Variants in COP1 observed in about 807,000 individuals in gnomAD.
The protein encoded by COP1 is COP1 E3 ubiquitin ligase.
A neutral mutation model predicts 101.3 loss-of-function variants in COP1; 24 were observed. That is an observed-to-expected ratio of 0.24 (90% confidence interval 0.17 to 0.33). The LOEUF (loss-of-function observed/expected upper bound fraction) is 0.33, where lower values mean the gene tolerates loss of function less well. COP1 is among the 10% of genes least tolerant of loss of function. The pLI is 1.00. For missense variants in COP1, 663 were observed against 906.2 expected (o/e 0.73, Z 3.45); for synonymous variants, 347 against 341.9 (o/e 1.01, Z -0.17).
chr1:176,021,704 C>CT (rs1289173968), intron 15 of COP1, among the ~76,000 whole-genome samples: 1 of 152,128 alleles, frequency 6.6e-6, no homozygotes, highest in Non-Finnish European at 1.5e-5. Flanking sequence ...AGCTGGGACC[C>CT]TTTAACACTA....
intron 9 of COP1, among the ~76,000 whole-genome samples, chr1:176,096,090 G>A (rs571131813): frequency 1.5e-4 from 23 of 152,100 alleles, no homozygotes; most frequent in African/African-American, 5.3e-4. Flanking sequence ...CCTTCTAGGT[G>A]TCCACAAGCC....
chr1:176,196,738 G>A (rs934513846), intron 1 of COP1, among the ~76,000 whole-genome samples: 8 of 151,984 alleles, frequency 5.3e-5, no homozygotes, highest in African/African-American at 1.2e-4. Flanking sequence ...ATTCCATATC[G>A]TCTTTTAGAA....
intron 6 of COP1, among the ~76,000 whole-genome samples, chr1:176,147,642 C>A (rs890588289): frequency 6.6e-6 from 1 of 151,906 alleles, no homozygotes; most frequent in Admixed American, 6.6e-5. Context: ...CAAAATCAAG[C>A]GAAAAAGTTC....
At chr1:176,112,572 ACTCTT>A (rs1474039033) in intron 9 of COP1, among the ~76,000 whole-genome samples, 11 of 152,130 alleles carry the variant, frequency 7.2e-5, no homozygotes, top group East Asian at 1.9e-4. Flanking sequence ...AAACACTGCA[ACTCTT>A]CTCTTCTAGC....
chr1:176,140,253 C>T (rs1198393397), intron 6 of COP1, among the ~76,000 whole-genome samples: 1 of 152,056 alleles, frequency 6.6e-6, no homozygotes, highest in Non-Finnish European at 1.5e-5. Flanking sequence ...AATAATAAAA[C>T]AATTTTTACT....
chr1:176,197,742 AC>A (rs1699846881), intron 1 of COP1, among the ~76,000 whole-genome samples: 1 of 152,250 alleles, frequency 6.6e-6, no homozygotes, highest in Non-Finnish European at 1.5e-5. Context: ...ATATTCATAT[AC>A]AGATAACATG....
intron 9 of COP1, among the ~76,000 whole-genome samples, chr1:176,096,562 GA>G (rs1471299791): frequency 6.6e-6 from 1 of 152,222 alleles, no homozygotes; most frequent in African/African-American, 2.4e-5. Flanking sequence ...GAGCCAGGGG[GA>G]AAGGAACCCA....
intron 18 of COP1, among the ~76,000 whole-genome samples, chr1:175,956,223 T>G (rs1650629763): frequency 6.6e-6 from 1 of 150,618 alleles, no homozygotes; most frequent in Admixed American, 6.6e-5. Flanking sequence ...TCAAAACAAC[T>G]TGGCAAGTTA....
chr1:176,176,190 T>A (rs866675531), intron 2 of COP1, among the ~76,000 whole-genome samples, 183 bp from the exon 3 acceptor site: 78 of 152,276 alleles, frequency 5.1e-4, no homozygotes, highest in Middle Eastern at 3.4e-3. Context: ...GGGTAAACAC[T>A]ACACAAAAGT....
chr1:176,121,951 T>C (rs1022479163), intron 8 of COP1, among the ~76,000 whole-genome samples: 1 of 151,862 alleles, frequency 6.6e-6, no homozygotes, highest in African/African-American at 2.4e-5. Flanking sequence ...CCATCCTGGC[T>C]AACACAGTGA....
At chr1:176,153,522 T>C (rs930363699) in intron 5 of COP1, among the ~76,000 whole-genome samples, 7 of 152,194 alleles carry the variant, frequency 4.6e-5, no homozygotes, top group African/African-American at 1.4e-4. Flanking sequence ...TATAGAACCA[T>C]GTCATCTGCA....
chr1:176,030,864 T>C (rs1477554749), intron 14 of COP1, among the ~76,000 whole-genome samples: 2 of 152,202 alleles, frequency 1.3e-5, no homozygotes, highest in African/African-American at 4.8e-5. Flanking sequence ...TTTGCAGATG[T>C]AACAAAGTTA....
At chr1:176,101,211 G>A (rs1188601476) in intron 9 of COP1, among the ~76,000 whole-genome samples, 1 of 151,836 alleles carries the variant, frequency 6.6e-6, no homozygotes, top group Non-Finnish European at 1.5e-5. Context: ...CCCTATCGTG[G>A]CTGGTGGGAC....
chr1:176,143,797 T>C (rs1197676855), intron 6 of COP1, among the ~76,000 whole-genome samples: 2 of 152,066 alleles, frequency 1.3e-5, no homozygotes. Flanking sequence ...GCAAAGTTGA[T>C]TGACTCCCCA....
At chr1:176,171,760 T>A (rs888783066) in intron 3 of COP1, among the ~76,000 whole-genome samples, 1 of 152,178 alleles carries the variant, frequency 6.6e-6, no homozygotes. Flanking sequence ...TACAATTTTG[T>A]TACAGAAAAG....
At chr1:175,956,293 AC>A (rs1174589199) in intron 18 of COP1, among the ~76,000 whole-genome samples, 1 of 152,172 alleles carries the variant, frequency 6.6e-6, no homozygotes, top group Non-Finnish European at 1.5e-5. Flanking sequence ...ATGTGAAACA[AC>A]CATATGTGTG....
chr1:176,026,607 T>C (rs1487270721), intron 15 of COP1, among the ~76,000 whole-genome samples: 1 of 152,144 alleles, frequency 6.6e-6, no homozygotes, highest in Non-Finnish European at 1.5e-5. Context: ...CATCTACTTG[T>C]TAGTCCATGT....
Position 175,945,117 on chromosome 1 carries a change from A to G in COP1, c.*36T>C, listed in dbSNP as rs779371609. ...TCATTGTCAGCTGCAGATGTATTTC[A>G]GCAGGATCAAGTACAATTTGACTTG... On this transcript the variant is annotated 3_prime_UTR_variant, in exon 20 of 20. Coordinates refer to ENST00000367669, the MANE Select transcript of COP1 (RefSeq NM_022457.7). 7 of 1,493,844 alleles carry G rather than the reference A, an allele frequency of 4.7e-6. No individual in the cohort carries two copies. Among genetic ancestry groups the G allele is most frequent in the African/African-American group, 1.4e-5 (1 of 72,096 alleles). 92.5% of individuals were successfully genotyped at this position (1,493,844 alleles called of 1,614,324 possible).
chr1:176,006,174 T>C (rs1195086948), intron 15 of COP1, among the ~76,000 whole-genome samples: 2 of 152,200 alleles, frequency 1.3e-5, no homozygotes, highest in African/African-American at 2.4e-5. Context: ...TTGCAACCCC[T>C]GCCTTTTTTT....
Sources: allele counts gnomAD v4.1 joint callset (sites outside exome capture counted in the v4.1 genomes callset), GRCh38; gene constraint gnomAD v4.1.1; transcripts MANE v1.5; gene names NCBI Gene and HGNC (gene_info 2026-07-23, HGNC 2026-07-21).